The following SPOCK3 variants were observed in gnomAD, a reference collection of about 807,000 sequenced individuals.
SPOCK3 encodes the protein SPARC (osteonectin), cwcv and kazal like domains proteoglycan 3.
SPOCK3 carries 30 observed loss-of-function variants against 56.6 expected under a neutral mutation model. The observed-to-expected ratio is 0.53, with a 90% CI of 0.40 to 0.72. The LOEUF (loss-of-function observed/expected upper bound fraction) is 0.72, where lower values mean the gene tolerates loss of function less well. Ranked by LOEUF, SPOCK3 falls within the 30% of genes least tolerant of loss-of-function variation. The pLI, the probability that SPOCK3 is intolerant of heterozygous loss-of-function variation, is 0.00. For synonymous variants in SPOCK3, 196 were observed against 183.3 expected, an observed-to-expected ratio of 1.07 and a Z score of -0.56; for missense variants, 527 against 530.0, an observed-to-expected ratio of 0.99 and a Z score of 0.06.
chr4:167,160,492 A>T (rs1295663541), intron 2 of SPOCK3, among the ~76,000 whole-genome samples: 1 of 152,160 alleles, frequency 6.6e-6, no homozygotes, highest in South Asian at 2.1e-4. Context: ...ATTCAATGCC[A>T]TCCCCATCAA....
chr4:166,826,501 G>T (rs184393430), intron 6 of SPOCK3, among the ~76,000 whole-genome samples: 11 of 152,204 alleles, frequency 7.2e-5, no homozygotes, highest in Admixed American at 7.2e-4. Flanking sequence ...TTCAAAAAGA[G>T]AATGGCCAAA....
chr4:167,006,157 T>G (rs1749450865), intron 3 of SPOCK3, among the ~76,000 whole-genome samples: 1 of 152,202 alleles, frequency 6.6e-6, no homozygotes, highest in African/African-American at 2.4e-5. Flanking sequence ...CTGAAACATG[T>G]TAGCATCTCA....
intron 2 of SPOCK3, among the ~76,000 whole-genome samples, chr4:167,109,353 AAT>A (rs1760623426): frequency 9.2e-5 from 4 of 43,698 alleles, no homozygotes; most frequent in South Asian, 7.7e-4. Flanking sequence ...TAATAAAATA[AAT>A]ATATATTTAT....
chr4:166,997,970 C>G (rs1226935859), intron 4 of SPOCK3, among the ~76,000 whole-genome samples: 1 of 152,156 alleles, frequency 6.6e-6, no homozygotes, highest in East Asian at 1.9e-4. Context: ...TTCTCTACCA[C>G]ATCCCCAAAA....
chr4:167,164,377 G>T (rs1765578397), intron 2 of SPOCK3, among the ~76,000 whole-genome samples: 1 of 151,916 alleles, frequency 6.6e-6, no homozygotes, highest in Non-Finnish European at 1.5e-5. Flanking sequence ...ATATAAACAT[G>T]AATTCAAAAA....
intron 2 of SPOCK3, among the ~76,000 whole-genome samples, chr4:167,210,920 G>GA (rs1485050733): frequency 1.3e-5 from 2 of 152,082 alleles, no homozygotes; most frequent in African/African-American, 4.8e-5. Context: ...TGATTTACTG[G>GA]AAAATGATAG....
At chr4:167,199,225 TTGTGTGTG>T (rs58765976) in intron 2 of SPOCK3, among the ~76,000 whole-genome samples, 4,040 of 142,048 alleles carry the variant, frequency 0.028, 78 homozygotes, top group Middle Eastern at 0.078. Context: ...AAATATTTGT[TTGTGTGTG>T]TGTGTGTGTG....
chr4:166,870,714 A>G (rs1732373008), intron 6 of SPOCK3, among the ~76,000 whole-genome samples: 1 of 152,122 alleles, frequency 6.6e-6, no homozygotes, highest in Non-Finnish European at 1.5e-5. Context: ...AGGGAAATTT[A>G]TTGCATTGAA....
intron 2 of SPOCK3, among the ~76,000 whole-genome samples, chr4:167,108,408 T>C (rs1760366395): frequency 6.6e-6 from 1 of 151,876 alleles, no homozygotes; most frequent in African/African-American, 2.4e-5. Flanking sequence ...GCAATCTAAG[T>C]GTACATCAAC....
At chr4:167,202,107 C>A (rs1214377839) in intron 2 of SPOCK3, among the ~76,000 whole-genome samples, 5 of 151,806 alleles carry the variant, frequency 3.3e-5, no homozygotes, top group Admixed American at 2.0e-4. Flanking sequence ...AATTTTAAAA[C>A]CACTGTTAGT....
chr4:166,947,797 ATTGT>A (rs1741965160), intron 4 of SPOCK3, among the ~76,000 whole-genome samples: 1 of 152,186 alleles, frequency 6.6e-6, no homozygotes, highest in African/African-American at 2.4e-5. Context: ...AAATGTATAT[ATTGT>A]TTAATGATCA....
intron 6 of SPOCK3, among the ~76,000 whole-genome samples, chr4:166,860,453 GGAGA>G (rs957117933): frequency 6.6e-6 from 1 of 151,950 alleles, no homozygotes; most frequent in African/African-American, 2.4e-5. Flanking sequence ...GCGAGAAAGA[GGAGA>G]GAGAGCTAGA....
intron 3 of SPOCK3, among the ~76,000 whole-genome samples, chr4:167,043,113 T>A (rs560641979): frequency 4.5e-4 from 68 of 152,206 alleles, no homozygotes; most frequent in African/African-American, 1.5e-3. Flanking sequence ...CACTTAGTAG[T>A]CTGCATCTTT....
chr4:167,034,876 A>G (rs1040553400), intron 3 of SPOCK3, among the ~76,000 whole-genome samples: 3 of 152,216 alleles, frequency 2.0e-5, no homozygotes, highest in African/African-American at 4.8e-5. Flanking sequence ...ATCTCCATAC[A>G]GAATTTCAAA....
intron 2 of SPOCK3, among the ~76,000 whole-genome samples, chr4:167,094,643 T>C (rs558453499): frequency 6.6e-6 from 1 of 152,226 alleles, no homozygotes; most frequent in Admixed American, 6.6e-5. Flanking sequence ...TGATAAATAA[T>C]ATCCACAGGA....
intron 2 of SPOCK3, among the ~76,000 whole-genome samples, chr4:167,172,965 A>T (rs1580513116): frequency 6.6e-6 from 1 of 152,126 alleles, no homozygotes; most frequent in East Asian, 1.9e-4. Context: ...TCCTCCTCTT[A>T]TTTCTCTTTC....
intron 7 of SPOCK3, among the ~76,000 whole-genome samples, chr4:166,763,345 A>C (rs1436819204): frequency 6.6e-6 from 1 of 152,052 alleles, no homozygotes; most frequent in Admixed American, 6.6e-5. Flanking sequence ...CCTTCTAAAA[A>C]CAATGTAAAG....
chr4:166,809,765 G>T (rs931925969), intron 6 of SPOCK3, among the ~76,000 whole-genome samples: 34 of 152,078 alleles, frequency 2.2e-4, no homozygotes, highest in Admixed American at 1.3e-4. Flanking sequence ...CAATTGTGAA[G>T]CTTTGGTGTT....
At chr4:166,748,042 T>G (rs1735878149) in intron 8 of SPOCK3, among the ~76,000 whole-genome samples, 1 of 152,018 alleles carries the variant, frequency 6.6e-6, no homozygotes, top group African/African-American at 2.4e-5. Context: ...ATCAATACCA[T>G]GAAAATGGCC....
Sources: allele counts gnomAD v4.1 joint callset (sites outside exome capture counted in the v4.1 genomes callset), GRCh38; gene constraint gnomAD v4.1.1; transcripts MANE v1.5; gene names NCBI Gene and HGNC (gene_info 2026-07-23, HGNC 2026-07-21).